The following ARHGEF7 variants were observed in gnomAD, a reference collection of about 807,000 sequenced individuals.
ARHGEF7 encodes the protein PAK-interacting exchange factor beta.
ARHGEF7 carries 33 observed loss-of-function variants against 109.8 expected under a neutral mutation model. The ratio of observed to expected loss-of-function variants is 0.30; its 90% CI spans 0.23 to 0.40. The LOEUF (loss-of-function observed/expected upper bound fraction) is 0.40. ARHGEF7 is among the 10% of genes least tolerant of loss of function. ARHGEF7 has a pLI of 1.00. For missense variants in ARHGEF7, 938 were observed against 1,098.5 expected (o/e 0.85, Z 2.07); for synonymous variants, 458 against 424.6 (o/e 1.08, Z -0.97).
chr13:111,173,096 C>A (rs182385371), intron 2 of ARHGEF7, among the ~76,000 whole-genome samples: 4 of 152,328 alleles, frequency 2.6e-5, no homozygotes, highest in Admixed American at 2.6e-4. Flanking sequence ...TTCCTTCCAG[C>A]ATTTTTTAAT....
rs187574525 is a variant in ARHGEF7 at position 111,225,430 on chromosome 13, G to A, written c.670+7550G>A. Among the ~76,000 whole-genome samples the A allele has an allele frequency of 7.9e-5, 12 of 151,822 alleles. No homozygotes were observed. The East Asian group carries it at 1.7e-3, about 22-fold the overall frequency. On this transcript the variant is annotated intron_variant, in intron 5 of 21. Transcript: ENST00000646102. ...CTCTCCTCTCCTACGTAGCTGCCTC[G>A]CAACTCTTCACAGTATGCAGAGACT...
chr13:111,151,430 A>G (rs1314238376), intron 1 of ARHGEF7, among the ~76,000 whole-genome samples: 4 of 152,330 alleles, frequency 2.6e-5, no homozygotes, highest in South Asian at 2.1e-4. Flanking sequence ...ATGGCTGTAA[A>G]TTTCTTTGGC....
chr13:111,222,408 T>C (rs1217235712), intron 5 of ARHGEF7, among the ~76,000 whole-genome samples: 1 of 152,114 alleles, frequency 6.6e-6, no homozygotes, highest in Non-Finnish European at 1.5e-5. Flanking sequence ...GTCATGCTAG[T>C]TTTATTTTAG....
At chr13:111,241,375 G>A in intron 6 of ARHGEF7, 3 of 1,534,096 alleles carry the variant, frequency 2.0e-6, no homozygotes, top group Non-Finnish European at 1.7e-6. Flanking sequence ...GGTCAGGAAG[G>A]CCAGCAACCT....
chr13:111,130,667 G>T (rs370059747), intron 1 of ARHGEF7, among the ~76,000 whole-genome samples: 1 of 152,348 alleles, frequency 6.6e-6, no homozygotes, highest in South Asian at 2.1e-4. Flanking sequence ...GGAGAATAAC[G>T]TGAAAAGAAT....
intron 15 of ARHGEF7, among the ~76,000 whole-genome samples, chr13:111,281,600 T>C (rs1316062230): frequency 1.3e-5 from 2 of 152,244 alleles, no homozygotes; most frequent in African/African-American, 4.8e-5. Flanking sequence ...TTAATGGCTC[T>C]ACCATTTTAA....
At chr13:111,189,625 A>C (rs2079635342) in intron 2 of ARHGEF7, among the ~76,000 whole-genome samples, 1 of 152,158 alleles carries the variant, frequency 6.6e-6, no homozygotes, top group Non-Finnish European at 1.5e-5. Context: ...GTGGAAGGGG[A>C]CCCAAGTGGG....
intron 2 of ARHGEF7, among the ~76,000 whole-genome samples, chr13:111,184,557 GCCTCCTCT>G (rs2079066389): frequency 6.6e-6 from 1 of 152,206 alleles, no homozygotes; most frequent in Non-Finnish European, 1.5e-5. Context: ...TAGCCGGTCT[GCCTCCTCT>G]CTCACATTCT....
intron 6 of ARHGEF7, among the ~76,000 whole-genome samples, chr13:111,233,710 T>C (rs9583590): frequency 0.14 from 21,477 of 152,232 alleles, 1,563 homozygotes; most frequent in South Asian, 0.22. Context: ...TCTCTTAATA[T>C]AGTGTTTCCC....
chr13:111,301,674 C>G, intron 21 of ARHGEF7, 142 bp downstream of exon 21: 1 of 605,284 alleles, frequency 1.7e-6, no homozygotes, highest in Non-Finnish European at 2.8e-6. Context: ...GGACAGATCA[C>G]CTGAGGTCAG....
At chr13:111,280,393 G>C (rs1221406327) in intron 14 of ARHGEF7, 43 bp downstream of exon 14, 1 of 1,595,560 alleles carries the variant, frequency 6.3e-7, no homozygotes, top group Admixed American at 1.7e-5. Flanking sequence ...TCGGGGAGGA[G>C]AGGCAGCTTG....
intron 3 of ARHGEF7, among the ~76,000 whole-genome samples, chr13:111,206,774 A>T (rs2081913009): frequency 1.3e-5 from 2 of 152,034 alleles, no homozygotes; most frequent in South Asian, 4.2e-4. Context: ...ATCCTGGCTA[A>T]CACGGTGAAA....
intron 6 of ARHGEF7, among the ~76,000 whole-genome samples, chr13:111,237,043 AAG>A (rs2086933564): frequency 6.6e-6 from 1 of 152,200 alleles, no homozygotes; most frequent in African/African-American, 2.4e-5. Context: ...AATGCATTCA[AAG>A]AGAGGGCTGG....
rs1197738722 is a variant in ARHGEF7 at position 111,241,154 on chromosome 13, G to A, written c.760-2718G>A. ...CCCCCGGGAAGCTGGCACTGGCTGAGCTCAGCTCTGTGGGCCTTTCTTCAG... is the reference window on the plus strand; with the variant it reads ...CCCCCGGGAAGCTGGCACTGGCTGAACTCAGCTCTGTGGGCCTTTCTTCAG... On this transcript the variant is annotated intron_variant, in intron 6 of 21. Coordinates refer to ENST00000646102, the MANE Select transcript of ARHGEF7 (RefSeq NM_001354046.2). 5 of 1,534,350 alleles carry A rather than the reference G, an allele frequency of 3.3e-6. No individual in the cohort carries two copies. The African/African-American group carries it at 5.5e-5, about 17-fold the overall frequency.
intron 9 of ARHGEF7, among the ~76,000 whole-genome samples, chr13:111,269,183 A>G (rs1304408249): frequency 6.6e-6 from 1 of 152,168 alleles, no homozygotes; most frequent in Non-Finnish European, 1.5e-5. Context: ...AGCGTCTCCA[A>G]GCGTCCAGCA....
chr13:111,246,956 G>A (rs573162748), intron 8 of ARHGEF7, among the ~76,000 whole-genome samples: 3 of 152,288 alleles, frequency 2.0e-5, no homozygotes, highest in African/African-American at 4.8e-5. Flanking sequence ...TAAAGTAATC[G>A]CTTGAAGCCA....
intron 2 of ARHGEF7, among the ~76,000 whole-genome samples, chr13:111,162,104 T>C (rs1260418058): frequency 2.0e-5 from 3 of 152,224 alleles, no homozygotes; most frequent in Non-Finnish European, 4.4e-5. Flanking sequence ...CCATACAGCT[T>C]CCAGAGAACT....
At chr13:111,208,203 G>A (rs2082107604) in intron 3 of ARHGEF7, among the ~76,000 whole-genome samples, 2 of 152,174 alleles carry the variant, frequency 1.3e-5, no homozygotes, top group South Asian at 4.1e-4. Flanking sequence ...ACCACACCCG[G>A]CTAATTTTGT....
intron 2 of ARHGEF7, among the ~76,000 whole-genome samples, chr13:111,189,285 G>A (rs578233562): frequency 4.8e-4 from 73 of 152,178 alleles, no homozygotes; most frequent in Admixed American, 9.8e-4. Context: ...AGACCCTCGC[G>A]GCGAGTGTTA....
Sources: gnomAD v4.1 joint callset for allele counts (sites outside exome capture counted in the v4.1 genomes callset) on GRCh38, gnomAD v4.1.1 for gene constraint, MANE v1.5 for transcripts, NCBI Gene and HGNC (gene_info 2026-07-23, HGNC 2026-07-21) for gene names.